The following CRYBG1 variants were observed in gnomAD, a reference collection of about 807,000 sequenced individuals.
CRYBG1 encodes the protein crystallin beta-gamma domain containing 1, also known as beta/gamma crystallin domain-containing protein 1.
In CRYBG1, 139 loss-of-function variants were observed where a neutral mutation model predicts 189.2. The ratio of observed to expected loss-of-function variants is 0.73; its 90% CI spans 0.64 to 0.85. The LOEUF (loss-of-function observed/expected upper bound fraction) is 0.85. Among genes scored for constraint, CRYBG1 ranks in the 40% least tolerant of loss-of-function variants. The pLI is 0.00. For synonymous variants in CRYBG1, 1,023 were observed against 1,017.1 expected, an observed-to-expected ratio of 1.01 and a Z score of -0.11; for missense variants, 2,611 against 2,675.8, an observed-to-expected ratio of 0.98 and a Z score of 0.53.
chr6:106,493,842 A>G (rs1772781547), intron 2 of CRYBG1, among the ~76,000 whole-genome samples: 1 of 152,168 alleles, frequency 6.6e-6, no homozygotes, highest in African/African-American at 2.4e-5. Context: ...AGAATAGCTA[A>G]TGGATGCTGG....
chr6:106,461,686 C>T (rs1772010274), intron 2 of CRYBG1, among the ~76,000 whole-genome samples: 1 of 152,090 alleles, frequency 6.6e-6, no homozygotes, highest in Non-Finnish European at 1.5e-5. Context: ...CTATTGGCAC[C>T]ATATTGGGGT....
In CRYBG1 at chr6:106,571,706, A is replaced by C. The variant is rs957763258; in HGVS notation, c.*3140A>C. ...ACCCTGTCTCTAAAACAAAAAAGAC[A>C]ATAAAGTAGTTTAAGCTAGTAAAAC... is the stretch of plus-strand genomic sequence containing the variant. On this transcript the variant is annotated 3_prime_UTR_variant, in exon 22 of 22. Coordinates refer to ENST00000633556, the MANE Select transcript of CRYBG1 (RefSeq NM_001371242.2). The C allele has an allele frequency of 1.2e-5, 4 of 327,864 alleles. No homozygotes were observed. In the Admixed American group the frequency reaches 1.9e-4, roughly 15 times the overall value. The allele number at this position is 327,864 out of a possible 1,614,324, so 20.3% of individuals were successfully genotyped here. A position where few individuals can be genotyped will look rare whatever the true frequency, so the allele number is the denominator to read the frequency against.
At position 106,519,143 on chromosome 6, in the gene CRYBG1, C is replaced by T; in HGVS notation, c.1935C>T (p.Pro645=). The T allele has an allele frequency of 6.2e-7, 1 of 1,612,492 alleles. No individual in the cohort carries two copies. The highest frequency in any genetic ancestry group is 8.5e-7 in the Non-Finnish European group (1 of 1,179,130). The change falls in exon 4 of 22, where the codon CCC becomes CCT. Residue 645 remains proline (P), a synonymous_variant. Coordinates refer to ENST00000633556, the MANE Select transcript of CRYBG1 (RefSeq NM_001371242.2). ...VTTKVTLPAK[P]KHVELNLKTP... ...TTTTTCCTCACAGCCCTGCCAAGCC[C>T]AAACATGTGGAACTAAATCTTAAAA...
chr6:106,542,954 A>C (rs1464653253), intron 10 of CRYBG1, among the ~76,000 whole-genome samples: 3 of 149,236 alleles, frequency 2.0e-5, no homozygotes, highest in Non-Finnish European at 4.5e-5. Context: ...TGGCCTAGTT[A>C]ATTTTTTAAA....
At chr6:106,464,695 A>G (rs2084111839) in intron 2 of CRYBG1, among the ~76,000 whole-genome samples, 3 of 152,212 alleles carry the variant, frequency 2.0e-5, no homozygotes, top group Admixed American at 2.0e-4. Context: ...TGATGACAGT[A>G]CCATTAAAAC....
chr6:106,453,573 T>C lies in CRYBG1; in HGVS notation c.312+1741T>C, dbSNP rs1771824934. Among the ~76,000 whole-genome samples the C allele has an allele frequency of 4.6e-5, 7 of 152,268 alleles. No homozygotes were observed. In the South Asian group the frequency reaches 1.4e-3, roughly 31 times the overall value. The stretch of plus-strand genomic sequence containing the variant: ...AGCCAGAGTTTCAAGTTGTTTCCTA[T>C]ATTTTTCCTTCAGTAAGTATGCCTT... On this transcript the variant is annotated intron_variant, in intron 2 of 21. Coordinates refer to ENST00000633556, the MANE Select transcript of CRYBG1 (RefSeq NM_001371242.2).
chr6:106,396,962 G>A (rs994465938), intron 1 of CRYBG1, among the ~76,000 whole-genome samples: 6 of 152,236 alleles, frequency 3.9e-5, no homozygotes, highest in South Asian at 4.1e-4. Flanking sequence ...TTACAGGCAT[G>A]AGCCACCATG....
chr6:106,436,295 C>CTTTTTTT (rs56333625), intron 1 of CRYBG1, among the ~76,000 whole-genome samples: 2 of 139,686 alleles, frequency 1.4e-5, no homozygotes, highest in Non-Finnish European at 1.6e-5. Context: ...CATGCAATCT[C>CTTTTTTT]TTTTTTTTTT....
chr6:106,443,361 C>G (rs1252330877), intron 1 of CRYBG1, among the ~76,000 whole-genome samples: 1 of 152,132 alleles, frequency 6.6e-6, no homozygotes, highest in Non-Finnish European at 1.5e-5. Flanking sequence ...GATTCATGAT[C>G]AAGTACATGG....
chr6:106,560,704 T>C (rs1201468738), intron 18 of CRYBG1, 99 bp from the exon 19 acceptor site: 4 of 1,342,758 alleles, frequency 3.0e-6, no homozygotes, highest in Non-Finnish European at 4.0e-6. Flanking sequence ...TAAAAGTATA[T>C]AGTTCAGTCT....
chr6:106,531,127 ATC>A (rs1226044218), intron 8 of CRYBG1, among the ~76,000 whole-genome samples: 2 of 152,254 alleles, frequency 1.3e-5, no homozygotes, highest in African/African-American at 2.4e-5. Flanking sequence ...GGTATGGAGT[ATC>A]TCTGCAGTGA....
At chr6:106,412,042 C>A (rs1315583861) in intron 1 of CRYBG1, among the ~76,000 whole-genome samples, 1 of 152,240 alleles carries the variant, frequency 6.6e-6, no homozygotes, top group African/African-American at 2.4e-5. Flanking sequence ...AAATGTCAGT[C>A]TCCTCTCACA....
chr6:106,532,813 G>C (rs1396387018), intron 8 of CRYBG1, among the ~76,000 whole-genome samples: 1 of 152,144 alleles, frequency 6.6e-6, no homozygotes, highest in Non-Finnish European at 1.5e-5. Flanking sequence ...TTTAGAAGTA[G>C]AAATTAGGAA....
At chr6:106,511,162 C>G (rs1012524973) in intron 2 of CRYBG1, among the ~76,000 whole-genome samples, 1 of 152,036 alleles carries the variant, frequency 6.6e-6, no homozygotes, top group East Asian at 1.9e-4. Context: ...TTATTTGGAC[C>G]GTTCAAATTT....
At chr6:106,526,958 AAG>A (rs1773752059) in intron 6 of CRYBG1, among the ~76,000 whole-genome samples, 1 of 150,364 alleles carries the variant, frequency 6.7e-6, no homozygotes, top group Non-Finnish European at 1.5e-5. Context: ...AAAAAAAAAA[AAG>A]AGACAAAAAA....
chr6:106,417,905 C>T (rs11968388), intron 1 of CRYBG1, among the ~76,000 whole-genome samples: 4,809 of 152,334 alleles, frequency 0.032, 261 homozygotes, highest in African/African-American at 0.11. Context: ...TTAGTTCCCC[C>T]GTCCACAGCT....
chr6:106,476,266 C>A (rs998988789), intron 2 of CRYBG1, among the ~76,000 whole-genome samples: 3 of 152,124 alleles, frequency 2.0e-5, no homozygotes, highest in Admixed American at 2.0e-4. Flanking sequence ...GTGGGGTGAG[C>A]AGCATGGTGG....
rs371255555 is a variant in CRYBG1 at position 106,427,963 on chromosome 6, G to C, written c.174-23731G>C. On this transcript the variant is annotated intron_variant, in intron 1 of 21. Coordinates refer to ENST00000633556, the MANE Select transcript of CRYBG1 (RefSeq NM_001371242.2). ...TGTATGGTAATGCTCTTCCCCAGAT[G>C]TGTGCTTGGCTCATCTCCCTCACAT... Among the ~76,000 whole-genome samples the C allele has an allele frequency of 1.4e-3, 213 of 152,232 alleles. 2 individuals carry two copies. Among genetic ancestry groups the C allele is most frequent in the African/African-American group, 4.7e-3 (197 of 41,544 alleles).
intron 7 of CRYBG1, among the ~76,000 whole-genome samples, chr6:106,527,705 A>C (rs1230445297): frequency 6.6e-6 from 1 of 152,206 alleles, no homozygotes; most frequent in Non-Finnish European, 1.5e-5. Context: ...CTGTCCTTCT[A>C]TTCCCATCTT....
Sources: allele counts gnomAD v4.1 joint callset (sites outside exome capture counted in the v4.1 genomes callset), GRCh38; gene constraint gnomAD v4.1.1; transcripts MANE v1.5; gene names NCBI Gene and HGNC (gene_info 2026-07-23, HGNC 2026-07-21).